The following CNBD1 variants were observed in gnomAD, a reference collection of about 807,000 sequenced individuals.
The protein encoded by CNBD1 is cyclic nucleotide-binding domain-containing protein 1.
Under a neutral mutation model 54.4 loss-of-function variants are expected in CNBD1, and 71 were observed. The observed-to-expected ratio is 1.30, with a 90% CI of 1.08 to 1.59. The LOEUF is 1.59. CNBD1 is among the 40% of genes most tolerant of loss of function. The pLI is 0.00. For missense variants in CNBD1, 659 were observed against 518.0 expected, an observed-to-expected ratio of 1.27 and a Z score of -2.64; for synonymous variants, 182 against 170.7, an observed-to-expected ratio of 1.07 and a Z score of -0.51.
chr8:86,984,263 T>G (rs13251585), intron 4 of CNBD1, among the ~76,000 whole-genome samples: 143,936 of 152,240 alleles, frequency 0.95, 68,148 homozygotes, highest in East Asian at 1. Context: ...CCTCCACCTA[T>G]ATTTCACAGG....
chr8:87,301,220 C>T (rs1046487348), intron 8 of CNBD1, among the ~76,000 whole-genome samples: 8 of 151,918 alleles, frequency 5.3e-5, no homozygotes, highest in Non-Finnish European at 1.0e-4. Flanking sequence ...AAATTGCCAA[C>T]AAAAAAAGTC....
intron 4 of CNBD1, among the ~76,000 whole-genome samples, chr8:87,153,101 T>C (rs530393238): frequency 6.6e-6 from 1 of 152,310 alleles, no homozygotes; most frequent in Non-Finnish European, 1.5e-5. Context: ...GTCTTTTAAT[T>C]GACTAGTTAG....
chr8:87,329,927 T>A (rs1029901881), intron 8 of CNBD1, among the ~76,000 whole-genome samples: 1 of 152,012 alleles, frequency 6.6e-6, no homozygotes, highest in South Asian at 2.1e-4. Context: ...TCCAGTATAA[T>A]GTTAAAAGGA....
chr8:87,138,124 C>T (rs922803072), intron 4 of CNBD1, among the ~76,000 whole-genome samples: 1 of 152,086 alleles, frequency 6.6e-6, no homozygotes, highest in Non-Finnish European at 1.5e-5. Flanking sequence ...GCACAAAAGT[C>T]CTGTTTTTCT....
intron 4 of CNBD1, among the ~76,000 whole-genome samples, chr8:87,167,512 C>A (rs1812990066): frequency 6.6e-6 from 1 of 151,740 alleles, no homozygotes; most frequent in African/African-American, 2.4e-5. Context: ...GGCTCGAGTG[C>A]ACCAAATATC....
At chr8:87,169,544 TTAG>T (rs1813042438) in intron 4 of CNBD1, among the ~76,000 whole-genome samples, 1 of 152,124 alleles carries the variant, frequency 6.6e-6, no homozygotes, top group African/African-American at 2.4e-5. Flanking sequence ...GCTTGAGGTC[TTAG>T]AGTTAAGTCT....
At chr8:87,224,582 G>A (rs562874880) in intron 5 of CNBD1, among the ~76,000 whole-genome samples, 21 of 151,528 alleles carry the variant, frequency 1.4e-4, no homozygotes, top group African/African-American at 4.9e-4. Context: ...TGAGGGCTCT[G>A]TTCTGTTCCA....
intron 6 of CNBD1, among the ~76,000 whole-genome samples, chr8:87,245,866 TG>T (rs1212305440): frequency 6.6e-6 from 1 of 152,050 alleles, no homozygotes; most frequent in African/African-American, 2.4e-5. Context: ...ATGGATATAT[TG>T]TTTTTTTCTT....
chr8:87,041,573 C>T (rs567000241), intron 4 of CNBD1, among the ~76,000 whole-genome samples: 5 of 152,150 alleles, frequency 3.3e-5, no homozygotes, highest in Non-Finnish European at 5.9e-5. Context: ...CCAAGGCAGG[C>T]GGATCATGAG....
chr8:87,124,635 A>T (rs1037481287), intron 4 of CNBD1, among the ~76,000 whole-genome samples: 10 of 151,780 alleles, frequency 6.6e-5, no homozygotes, highest in African/African-American at 2.4e-4. Context: ...CAGCTTAGAT[A>T]TAGAGGGAGT....
At chr8:86,993,186 C>T (rs1586185628) in intron 4 of CNBD1, among the ~76,000 whole-genome samples, 1 of 149,476 alleles carries the variant, frequency 6.7e-6, no homozygotes, top group African/African-American at 2.4e-5. Flanking sequence ...TGTCTGAGTG[C>T]ACTGACTTGA....
chr8:87,137,887 G>A (rs1324003830), intron 4 of CNBD1, among the ~76,000 whole-genome samples: 2 of 152,128 alleles, frequency 1.3e-5, no homozygotes, highest in East Asian at 3.9e-4. Context: ...ATGAGGTAGT[G>A]GAATGAAGAA....
At chr8:87,019,312 G>C (rs1307673007) in intron 4 of CNBD1, among the ~76,000 whole-genome samples, 1 of 152,056 alleles carries the variant, frequency 6.6e-6, no homozygotes, top group Non-Finnish European at 1.5e-5. Flanking sequence ...CAATTAATTG[G>C]CTATAAGTCT....
At chr8:86,951,857 C>A (rs1222305806) in intron 4 of CNBD1, among the ~76,000 whole-genome samples, 1 of 151,808 alleles carries the variant, frequency 6.6e-6, no homozygotes, top group Non-Finnish European at 1.5e-5. Context: ...AAAAATCAAG[C>A]TGGGAAGTAC....
intron 3 of CNBD1, among the ~76,000 whole-genome samples, chr8:86,921,949 T>C (rs1320694501): frequency 6.6e-6 from 1 of 151,822 alleles, no homozygotes; most frequent in Non-Finnish European, 1.5e-5. Context: ...GTGTAGGGGG[T>C]GTCAGAGGAA....
At chr8:87,264,348 A>C (rs573971052) in intron 6 of CNBD1, among the ~76,000 whole-genome samples, 3 of 152,230 alleles carry the variant, frequency 2.0e-5, no homozygotes, top group East Asian at 1.9e-4. Context: ...TTATGGCTGC[A>C]TAGTATTCCA....
At chr8:86,912,709 T>TA (rs1000228626) in intron 3 of CNBD1, among the ~76,000 whole-genome samples, 9 of 151,972 alleles carry the variant, frequency 5.9e-5, no homozygotes, top group South Asian at 2.1e-4. Context: ...ATTTATATTT[T>TA]AAAAAAAAGG....
chr8:87,102,907 C>T (rs1018679900), intron 4 of CNBD1, among the ~76,000 whole-genome samples: 1 of 152,118 alleles, frequency 6.6e-6, no homozygotes, highest in Non-Finnish European at 1.5e-5. Context: ...AGCCACAGCG[C>T]TCGGCCACAG....
chr8:87,075,407 C>A (rs1810848411), intron 4 of CNBD1, among the ~76,000 whole-genome samples: 1 of 152,108 alleles, frequency 6.6e-6, no homozygotes, highest in South Asian at 2.1e-4. Flanking sequence ...GAGTTCCTTC[C>A]TTAGGAAACA....
Sources: gnomAD v4.1 joint callset for allele counts (sites outside exome capture counted in the v4.1 genomes callset) on GRCh38, gnomAD v4.1.1 for gene constraint, MANE v1.5 for transcripts, NCBI Gene and HGNC (gene_info 2026-07-23, HGNC 2026-07-21) for gene names.